Variants in ST6GALNAC3 observed in about 807,000 individuals in gnomAD.
ST6GALNAC3 encodes the protein alpha-N-acetylgalactosaminide alpha-2,6-sialyltransferase 3.
A neutral mutation model predicts 32.7 loss-of-function variants in ST6GALNAC3; 25 were observed. That is an observed-to-expected ratio of 0.76 (90% CI 0.56 to 1.07). The LOEUF (loss-of-function observed/expected upper bound fraction) is 1.07. Ranked by LOEUF, ST6GALNAC3 falls within the 50% of genes least tolerant of loss-of-function variation. The pLI, the probability that ST6GALNAC3 is intolerant of heterozygous loss-of-function variation, is 0.00. For synonymous variants in ST6GALNAC3, 129 were observed against 133.1 expected (o/e 0.97, Z 0.21); for missense variants, 355 against 382.4 (o/e 0.93, Z 0.60).
intron 3 of ST6GALNAC3, among the ~76,000 whole-genome samples, chr1:76,593,518 A>T (rs76594319): frequency 6.6e-6 from 1 of 152,200 alleles, no homozygotes; most frequent in East Asian, 1.9e-4. Context: ...ACAGGGCAGA[A>T]TTTTGAGAAA....
rs1295587596 is a variant in ST6GALNAC3, at chr1:76,313,790, T to C, written c.19-15T>C. 1.2e-6 allele frequency: 2 copies of C among 1,611,262 alleles called. No individual in the cohort carries two copies. Among genetic ancestry groups the C allele is most frequent in the South Asian group, 1.1e-5 (1 of 90,736 alleles). ...AGTCATTCGTTCTTCTTTTTGTTTT[T>C]TTAATGTTTTGTAGAGAAAGTCTGT... On this transcript the variant is annotated splice_polypyrimidine_tract_variant and intron_variant, in intron 1 of 4. Coordinates refer to ENST00000328299, the MANE Select transcript of ST6GALNAC3 (RefSeq NM_152996.4).
chr1:76,305,852 C>T, intron 1 of ST6GALNAC3: 1 of 509,974 alleles, frequency 2.0e-6, no homozygotes, highest in Non-Finnish European at 3.9e-6. Flanking sequence ...GATGAAGTGA[C>T]TGCCCAAAGT....
intron 2 of ST6GALNAC3, among the ~76,000 whole-genome samples, chr1:76,368,429 T>TAGC (rs1420940253): frequency 6.6e-6 from 1 of 151,398 alleles, no homozygotes; most frequent in Non-Finnish European, 1.5e-5. Context: ...CTTCAGCTAT[T>TAGC]AGCAGAGGTT....
intron 3 of ST6GALNAC3, among the ~76,000 whole-genome samples, chr1:76,604,358 AT>A (rs1647389233): frequency 6.6e-6 from 1 of 152,188 alleles, no homozygotes. Context: ...CTGCTAGATT[AT>A]TTTTTCCATC....
At chr1:76,263,569 T>C (rs1364484482) in intron 1 of ST6GALNAC3, among the ~76,000 whole-genome samples, 1 of 152,156 alleles carries the variant, frequency 6.6e-6, no homozygotes, top group Non-Finnish European at 1.5e-5. Context: ...CATTGAGATG[T>C]GTAATATTGA....
At chr1:76,527,001 A>C (rs1297726127) in intron 3 of ST6GALNAC3, among the ~76,000 whole-genome samples, 3 of 152,140 alleles carry the variant, frequency 2.0e-5, no homozygotes, top group African/African-American at 7.2e-5. Flanking sequence ...GATACAAAGC[A>C]AATACATAGT....
At chr1:76,362,680 T>C (rs565994116) in intron 2 of ST6GALNAC3, among the ~76,000 whole-genome samples, 1 of 152,202 alleles carries the variant, frequency 6.6e-6, no homozygotes, top group Non-Finnish European at 1.5e-5. Context: ...CCCAGGCAAG[T>C]CCTAAACCCA....
chr1:76,338,132 G>A (rs2100982223), intron 2 of ST6GALNAC3, among the ~76,000 whole-genome samples: 1 of 152,256 alleles, frequency 6.6e-6, no homozygotes, highest in South Asian at 2.1e-4. Flanking sequence ...ACATTTTTAT[G>A]GGTGGACTGC....
At chr1:76,086,337 C>T (rs756458416) in intron 1 of ST6GALNAC3, among the ~76,000 whole-genome samples, 1 of 152,104 alleles carries the variant, frequency 6.6e-6, no homozygotes, top group Non-Finnish European at 1.5e-5. Flanking sequence ...ATGGGGAAAT[C>T]GAAGACTGGT....
chr1:76,282,133 C>T (rs1379101589), intron 1 of ST6GALNAC3, among the ~76,000 whole-genome samples: 2 of 151,086 alleles, frequency 1.3e-5, no homozygotes, highest in African/African-American at 4.9e-5. Context: ...GTTTTTTTCT[C>T]CTTCTGCTTG....
intron 1 of ST6GALNAC3, among the ~76,000 whole-genome samples, chr1:76,236,053 GC>G: frequency 6.6e-6 from 1 of 152,006 alleles, no homozygotes; most frequent in Admixed American, 6.6e-5. Flanking sequence ...TCGGCTCACT[GC>G]AACCTCTGCC....
At chr1:76,462,736 G>T (rs1466659296) in intron 3 of ST6GALNAC3, among the ~76,000 whole-genome samples, 1 of 152,144 alleles carries the variant, frequency 6.6e-6, no homozygotes, top group Non-Finnish European at 1.5e-5. Flanking sequence ...GTTTAAGATG[G>T]ATAGATAGAG....
intron 1 of ST6GALNAC3, among the ~76,000 whole-genome samples, chr1:76,111,041 G>C (rs1647894196): frequency 6.6e-6 from 1 of 152,222 alleles, no homozygotes; most frequent in African/African-American, 2.4e-5. Context: ...TGGATGCTGT[G>C]TGTCCTAAAA....
At chr1:76,429,239 G>C (rs1038753557) in intron 3 of ST6GALNAC3, among the ~76,000 whole-genome samples, 1 of 152,082 alleles carries the variant, frequency 6.6e-6, no homozygotes, top group Non-Finnish European at 1.5e-5. Context: ...TTGGTTTCTT[G>C]TCATAGATTA....
rs79652738 is a variant in ST6GALNAC3 at position 76,478,616 on chromosome 1, A to G, written c.623+66199A>G. On this transcript the variant is annotated intron_variant, in intron 3 of 4. Coordinates refer to ENST00000328299, the MANE Select transcript of ST6GALNAC3 (RefSeq NM_152996.4). ...AGAAAATTTGTTTTTATTACCCACA[A>G]GAGAAAATGATCTGGCTTTCCTGCT... Among the ~76,000 whole-genome samples, 812 of 152,272 alleles carry G rather than the reference A, an allele frequency of 5.3e-3. 6 individuals are homozygous for G. Among genetic ancestry groups the G allele is most frequent in the African/African-American group, 0.019 (779 of 41,556 alleles).
intron 3 of ST6GALNAC3, among the ~76,000 whole-genome samples, chr1:76,483,797 A>T (rs1242221361): frequency 6.6e-6 from 1 of 152,206 alleles, no homozygotes; most frequent in East Asian, 1.9e-4. Flanking sequence ...GTCCTTGCCC[A>T]TGCCTATGGC....
chr1:76,142,928 T>C (rs1409824670), intron 1 of ST6GALNAC3: 1 of 443,318 alleles, frequency 2.3e-6, no homozygotes, highest in African/African-American at 2.0e-5. Context: ...ACCGTATCTT[T>C]TATGTCTTTT....
chr1:76,574,663 G>A (rs1646772413), intron 3 of ST6GALNAC3, among the ~76,000 whole-genome samples: 1 of 152,090 alleles, frequency 6.6e-6, no homozygotes, highest in Non-Finnish European at 1.5e-5. Context: ...AACTATCTCA[G>A]GCAGTTGAAG....
At chr1:76,565,309 G>C (rs1173218398) in intron 3 of ST6GALNAC3, among the ~76,000 whole-genome samples, 2 of 152,138 alleles carry the variant, frequency 1.3e-5, no homozygotes, top group Non-Finnish European at 2.9e-5. Context: ...AGATTTTGGA[G>C]AGCTAACCTC....
Sources: allele counts gnomAD v4.1 joint callset (sites outside exome capture counted in the v4.1 genomes callset), GRCh38; gene constraint gnomAD v4.1.1; transcripts MANE v1.5; gene names NCBI Gene and HGNC (gene_info 2026-07-23, HGNC 2026-07-21).